Variants in SLC23A2 observed in about 807,000 individuals in gnomAD.
SLC23A2 encodes solute carrier family 23 member 2.
A neutral mutation model predicts 73.3 loss-of-function variants in SLC23A2; 36 were observed. The observed-to-expected ratio is 0.49, with a 90% CI of 0.38 to 0.65. The LOEUF is 0.65. Among genes scored for constraint, SLC23A2 ranks in the 30% least tolerant of loss-of-function variants. The pLI is 0.00. For synonymous variants in SLC23A2, 343 were observed against 327.3 expected (o/e 1.05, Z -0.52); for missense variants, 507 against 841.6 (o/e 0.60, Z 4.92).
chr20:4,993,240 TGCCACTGCACTCCAGCCTGGGCGC>T (rs1568660629), intron 1 of SLC23A2, among the ~76,000 whole-genome samples: 4 of 148,522 alleles, frequency 2.7e-5, no homozygotes, highest in South Asian at 2.1e-4. Flanking sequence ...GCTGAGATCG[TGCCACTGCACTCCAGCCTGGGCGC>T]GCCACTGCAC....
At chr20:4,990,784 A>G (rs1600211922) in intron 1 of SLC23A2, among the ~76,000 whole-genome samples, 1 of 150,960 alleles carries the variant, frequency 6.6e-6, no homozygotes, top group Admixed American at 6.6e-5. Context: ...AGAGTTCAAG[A>G]CCAGCCTGAC....
intron 1 of SLC23A2, among the ~76,000 whole-genome samples, chr20:4,996,415 C>T (rs1341721480): frequency 3.3e-5 from 5 of 151,954 alleles, no homozygotes; most frequent in Non-Finnish European, 5.9e-5. Flanking sequence ...GGGCCAGGCA[C>T]GGTGGCTCAT....
At position 4,961,165 on chromosome 20, in the gene SLC23A2, C is replaced by T. The variant is rs6116599; in HGVS notation, c.-155+9628G>A. 4.0e-3 allele frequency among the ~76,000 whole-genome samples: 581 copies of T among 145,042 alleles called. 4 individuals carry two copies. Among genetic ancestry groups the T allele is most frequent in the African/African-American group, 0.014 (554 of 39,136 alleles). On this transcript the variant is annotated intron_variant, in intron 2 of 16. Transcript: ENST00000338244. The stretch of plus-strand genomic sequence containing the variant: ...CTCTGTCGCCCAGGCTGGAGTGCGG[C>T]GGCACGATCTTGGCTCACTGCAACC...
At chr20:4,909,719 A>G (rs982336666) in intron 4 of SLC23A2, among the ~76,000 whole-genome samples, 1 of 152,036 alleles carries the variant, frequency 6.6e-6, no homozygotes, top group Non-Finnish European at 1.5e-5. Flanking sequence ...AAGCCCGGCT[A>G]AATTTTTTTG....
chr20:4,957,209 C>T (rs557464670), intron 2 of SLC23A2, among the ~76,000 whole-genome samples: 1 of 152,210 alleles, frequency 6.6e-6, no homozygotes, highest in Admixed American at 6.5e-5. Context: ...AATCCCAGTG[C>T]TTTGGGGGGC....
Position 4,918,748 on chromosome 20 carries a change from C to A in SLC23A2, c.109-5770G>T, listed in dbSNP as rs191684638. 3.3e-3 allele frequency among the ~76,000 whole-genome samples: 503 copies of A among 152,288 alleles called. 1 individual carries two copies. Among genetic ancestry groups the A allele is most frequent in the Non-Finnish European group, 6.1e-3 (414 of 68,030 alleles). On this transcript the variant is annotated intron_variant, in intron 3 of 16. Coordinates refer to ENST00000338244, the MANE Select transcript of SLC23A2 (RefSeq NM_005116.6). ...GCACTAGCACCTGCAAAACCCCACA[C>A]CTCCAATGAGAGTGTTCAGAACTCA...
chr20:4,928,134 G>A (rs1259489635), intron 3 of SLC23A2, among the ~76,000 whole-genome samples: 2 of 151,962 alleles, frequency 1.3e-5, no homozygotes, highest in Non-Finnish European at 2.9e-5. Flanking sequence ...CAAACCTCTG[G>A]GCTCAAAGAA....
At chr20:5,007,731 A>G (rs1304074169) in intron 1 of SLC23A2, among the ~76,000 whole-genome samples, 1 of 151,920 alleles carries the variant, frequency 6.6e-6, no homozygotes, top group East Asian at 1.9e-4. Flanking sequence ...CTCTCTTTCT[A>G]TGGATTTGAC....
intron 11 of SLC23A2, 196 bp downstream of exon 11, chr20:4,873,740 C>G: frequency 2.0e-6 from 1 of 491,326 alleles, no homozygotes; most frequent in Non-Finnish European, 3.6e-6. Flanking sequence ...GAGAAGGGAG[C>G]CGGTCAGTCT....
chr20:4,921,540 C>T (rs1257769462), intron 3 of SLC23A2, among the ~76,000 whole-genome samples: 1 of 150,338 alleles, frequency 6.7e-6, no homozygotes, highest in African/African-American at 2.4e-5. Context: ...AAGCTATGAT[C>T]ATGTCACTGC....
intron 3 of SLC23A2, 148 bp downstream of exon 3, chr20:4,932,307 C>T (rs746191823): frequency 1.3e-5 from 8 of 632,988 alleles, no homozygotes; most frequent in Non-Finnish European, 2.3e-5. Context: ...CAAGAGTTAG[C>T]CCAAAGACTA....
At chr20:4,914,718 A>G (rs139439152) in intron 3 of SLC23A2, among the ~76,000 whole-genome samples, 1 of 152,168 alleles carries the variant, frequency 6.6e-6, no homozygotes, top group African/African-American at 2.4e-5. Context: ...ATTATTATAC[A>G]CTCATTTAGA....
At chr20:4,955,469 AC>A in intron 2 of SLC23A2, among the ~76,000 whole-genome samples, 1 of 151,940 alleles carries the variant, frequency 6.6e-6, no homozygotes, top group Non-Finnish European at 1.5e-5. Flanking sequence ...ATACATGAGC[AC>A]TAACTCGTGA....
At chr20:4,913,311 C>T (rs962518990) in intron 3 of SLC23A2, among the ~76,000 whole-genome samples, 6 of 152,084 alleles carry the variant, frequency 3.9e-5, no homozygotes, top group African/African-American at 7.2e-5. Context: ...CCCACATAAC[C>T]ACCTGAGGCC....
chr20:4,961,297 G>A (rs772653306), intron 2 of SLC23A2, among the ~76,000 whole-genome samples: 2 of 151,800 alleles, frequency 1.3e-5, no homozygotes, highest in Non-Finnish European at 2.9e-5. Flanking sequence ...TAGCCAGGAT[G>A]GTCTCGATCT....
intron 6 of SLC23A2, among the ~76,000 whole-genome samples, chr20:4,896,997 C>T (rs1164602804): frequency 3.3e-5 from 5 of 152,184 alleles, no homozygotes; most frequent in Non-Finnish European, 5.9e-5. Context: ...GTCTCAAACA[C>T]CACCTCCTCC....
Position 4,862,762 on chromosome 20 carries a change from G to A in SLC23A2, c.1486+16C>T, listed in dbSNP as rs1365720206. On this transcript the variant is annotated intron_variant, in intron 14 of 16. Transcript: ENST00000338244. The surrounding 1 kb of genome is among the most constrained non-coding windows in gnomAD (Gnocchi z 5.1). Reference sequence around the variant, plus strand: ...TTTGGAAAAGTAAAGGAAAAAGCCAGAGAGGGGAGTCTTACCAAAGAGCGT... The same window carrying A: ...TTTGGAAAAGTAAAGGAAAAAGCCAAAGAGGGGAGTCTTACCAAAGAGCGT... 1 of 1,601,398 alleles carries A rather than the reference G, an allele frequency of 6.2e-7. No homozygotes were observed. The highest frequency in any genetic ancestry group is 1.3e-5 in the African/African-American group (1 of 74,762).
chr20:4,867,170 C>G (rs777276402), intron 13 of SLC23A2, among the ~76,000 whole-genome samples: 2 of 152,140 alleles, frequency 1.3e-5, no homozygotes, highest in African/African-American at 2.4e-5. Flanking sequence ...AACCTGCTCC[C>G]CAGTTACCCG....
rs1930057158 is a variant in SLC23A2 at position 4,863,290 on chromosome 20, G to T, written c.1357-383C>A. On this transcript the variant is annotated intron_variant, in intron 13 of 16. Coordinates refer to ENST00000338244, the MANE Select transcript of SLC23A2 (RefSeq NM_005116.6). This position sits in a 1 kb window ranked among gnomAD's most constrained non-coding sequence, Gnocchi z 4.8. ...GCCAACTTCCCCACACCGGAAATCAGACCAAACCCCCAGACATGTCTGGAA... is the reference window on the plus strand; with the variant it reads ...GCCAACTTCCCCACACCGGAAATCATACCAAACCCCCAGACATGTCTGGAA... 6.6e-6 allele frequency among the ~76,000 whole-genome samples: 1 copy of T among 152,144 alleles called. No homozygotes were observed. Among genetic ancestry groups the T allele is most frequent in the Non-Finnish European group, 1.5e-5 (1 of 68,030 alleles).
Sources: allele counts gnomAD v4.1 joint callset (sites outside exome capture counted in the v4.1 genomes callset), GRCh38; gene constraint gnomAD v4.1.1; non-coding constraint Gnocchi (gnomAD v3.1); transcripts MANE v1.5; gene names NCBI Gene and HGNC (gene_info 2026-07-23, HGNC 2026-07-21).